The following ABAT variants were observed in gnomAD, a reference collection of about 807,000 sequenced individuals.
ABAT encodes the protein 4-aminobutyrate aminotransferase, mitochondrial.
ABAT carries 45 observed loss-of-function variants against 64.6 expected under a neutral mutation model. The observed-to-expected ratio is 0.70, with a 90% CI of 0.55 to 0.89. The LOEUF (loss-of-function observed/expected upper bound fraction) is 0.89, where lower values mean the gene tolerates loss of function less well. Ranked by LOEUF, ABAT falls within the 40% of genes least tolerant of loss-of-function variation. The pLI is 0.00. For synonymous variants in ABAT, 297 were observed against 250.5 expected, an observed-to-expected ratio of 1.19 and a Z score of -1.75; for missense variants, 633 against 658.4, an observed-to-expected ratio of 0.96 and a Z score of 0.42.
At position 8,773,156 on chromosome 16, in the gene ABAT, A is replaced by T. The variant is rs898232298; in HGVS notation, c.954+239A>T. On this transcript the variant is annotated intron_variant, in intron 12 of 15. Coordinates refer to ENST00000268251, the MANE Select transcript of ABAT (RefSeq NM_020686.6). Reference sequence around the variant, plus strand: ...CACACACACACACACACATATATATATATTTTTTTTTTTGAGACAGAGTCT... The same window carrying T: ...CACACACACACACACACATATATATTTATTTTTTTTTTTGAGACAGAGTCT... Among the ~76,000 whole-genome samples, 947 of 141,666 alleles carry T rather than the reference A, an allele frequency of 6.7e-3. 17 individuals are homozygous for T. Among genetic ancestry groups the T allele is most frequent in the African/African-American group, 0.027 (912 of 33,428 alleles). The allele number at this position is 141,666 out of a possible 152,430, so 92.9% of individuals were successfully genotyped here.
chr16:8,694,582 C>T (rs982377403), intron 1 of ABAT, among the ~76,000 whole-genome samples: 1 of 151,576 alleles, frequency 6.6e-6, no homozygotes, highest in African/African-American at 2.4e-5. Context: ...CTCACTATAT[C>T]GCCCAAGCTG....
intron 5 of ABAT, among the ~76,000 whole-genome samples, chr16:8,751,892 C>T (rs2059497084): frequency 1.3e-5 from 2 of 152,222 alleles, no homozygotes; most frequent in African/African-American, 4.8e-5. Context: ...ATTGGAAATG[C>T]AGGTAGCTGC....
At chr16:8,683,836 G>A (rs1038238742) in intron 1 of ABAT, among the ~76,000 whole-genome samples, 11 of 150,224 alleles carry the variant, frequency 7.3e-5, no homozygotes, top group Non-Finnish European at 1.3e-4. Context: ...GGCTTATCTG[G>A]AGTGGACAGA....
At position 8,783,611 on chromosome 16, in the gene ABAT, A is replaced by C. The variant is rs762048803; in HGVS notation, c.*2181A>C. 1 of 152,250 alleles carries C rather than the reference A, an allele frequency of 6.6e-6. No homozygotes were observed. Among genetic ancestry groups the C allele is most frequent in the African/African-American group, 2.4e-5 (1 of 41,472 alleles). 9.4% of individuals were successfully genotyped at this position (152,250 alleles called of 1,614,324 possible). On this transcript the variant is annotated 3_prime_UTR_variant, in exon 16 of 16. Transcript: ENST00000268251. Reference sequence around the variant, plus strand: ...TTCCACAGGCAGCATCCCAAGGTTCAATAAGGCCTTATTTAACAAGCAAGC... The same window carrying C: ...TTCCACAGGCAGCATCCCAAGGTTCCATAAGGCCTTATTTAACAAGCAAGC...
At chr16:8,779,735 C>A in intron 15 of ABAT, 145 bp downstream of exon 15, 1 of 711,492 alleles carries the variant, frequency 1.4e-6, no homozygotes, top group Non-Finnish European at 2.5e-6. Flanking sequence ...GCTCTTTCTC[C>A]AAAGAAGAGA....
chr16:8,753,820 C>A (rs1367179151), intron 5 of ABAT, among the ~76,000 whole-genome samples: 2 of 152,154 alleles, frequency 1.3e-5, no homozygotes, highest in Non-Finnish European at 2.9e-5. Context: ...CATCCGTCTT[C>A]TCGACCAGAC....
At chr16:8,691,678 C>T (rs1016062114) in intron 1 of ABAT, among the ~76,000 whole-genome samples, 30 of 146,468 alleles carry the variant, frequency 2.0e-4, no homozygotes, top group Middle Eastern at 3.6e-3. Context: ...TGATCTCAGG[C>T]GATCCTCTGC....
chr16:8,738,439 C>G (rs927629448), intron 2 of ABAT: 3 of 455,734 alleles, frequency 6.6e-6, no homozygotes, highest in Non-Finnish European at 8.8e-6. Context: ...TTTTTCTGCT[C>G]CAGGATCCAA....
intron 4 of ABAT, among the ~76,000 whole-genome samples, chr16:8,749,157 G>A (rs1397799921): frequency 1.3e-5 from 2 of 150,120 alleles, no homozygotes; most frequent in East Asian, 2.0e-4. Flanking sequence ...GCGCAATCTC[G>A]GCTCACAGCA....
At chr16:8,694,878 G>A (rs555749448) in intron 1 of ABAT, among the ~76,000 whole-genome samples, 100 of 152,310 alleles carry the variant, frequency 6.6e-4, no homozygotes, top group African/African-American at 2.3e-3. Flanking sequence ...AAGGCAGGCC[G>A]CCGCATCCTA....
At chr16:8,722,628 A>G (rs2058404848) in intron 1 of ABAT, 2 of 360,452 alleles carry the variant, frequency 5.5e-6, no homozygotes, top group Non-Finnish European at 1.1e-5. Context: ...CTCAGAGACC[A>G]GGAGGGCCAA....
chr16:8,741,255 C>T (rs1419090723), intron 2 of ABAT, among the ~76,000 whole-genome samples: 1 of 152,188 alleles, frequency 6.6e-6, no homozygotes, highest in African/African-American at 2.4e-5. Context: ...TTTTTTGCAT[C>T]TTTGTGATCA....
chr16:8,759,184 G>T (rs1418349017), intron 6 of ABAT, among the ~76,000 whole-genome samples: 3 of 151,992 alleles, frequency 2.0e-5, no homozygotes, highest in Non-Finnish European at 4.4e-5. Context: ...ACCACTCAAT[G>T]AATTTCCCAT....
rs764927007 is a variant in ABAT at position 8,764,648 on chromosome 16, G to C, written c.448-90G>C. 8.1e-7 allele frequency: 1 copy of C among 1,228,684 alleles called. No individual in the cohort carries two copies. The highest frequency in any genetic ancestry group is 1.5e-5 in the African/African-American group (1 of 67,174). The allele number at this position is 1,228,684 out of a possible 1,614,324, so 76.1% of individuals were successfully genotyped here. A position where few individuals can be genotyped will look rare whatever the true frequency, so the allele number is the denominator to read the frequency against. ...CCCTGGTTCTGTCTGTCCCCGGTAC[G>C]GCCCCTGCGAAGATTCAGCTCCAGC... is the stretch of plus-strand genomic sequence containing the variant. On this transcript the variant is annotated intron_variant, in intron 7 of 15. Coordinates refer to ENST00000268251, the MANE Select transcript of ABAT (RefSeq NM_020686.6). This position sits in a 1 kb window ranked among gnomAD's most constrained non-coding sequence, Gnocchi z 4.2.
At chr16:8,696,925 G>A (rs959698919) in intron 1 of ABAT, among the ~76,000 whole-genome samples, 3 of 152,104 alleles carry the variant, frequency 2.0e-5, no homozygotes, top group African/African-American at 4.8e-5. Flanking sequence ...CATCCCCAGA[G>A]GCATCCATGT....
intron 12 of ABAT, among the ~76,000 whole-genome samples, chr16:8,773,119 C>T (rs1477975995): frequency 8.0e-6 from 1 of 125,108 alleles, no homozygotes; most frequent in Non-Finnish European, 1.6e-5. Context: ...CACACACACA[C>T]ACACACACAC....
intron 1 of ABAT, among the ~76,000 whole-genome samples, chr16:8,699,463 C>G (rs999017685): frequency 6.6e-6 from 1 of 152,092 alleles, no homozygotes; most frequent in Non-Finnish European, 1.5e-5. Flanking sequence ...GAGGTTGAGT[C>G]AGGAGAATCA....
intron 5 of ABAT, chr16:8,757,375 C>T (rs1434459691): frequency 8.4e-6 from 3 of 357,834 alleles, no homozygotes; most frequent in Non-Finnish European, 1.1e-5. Context: ...ACCATGTTGG[C>T]CAGGCTGGTC....
At chr16:8,682,047 G>T (rs1234462318) in intron 1 of ABAT, among the ~76,000 whole-genome samples, 2 of 152,106 alleles carry the variant, frequency 1.3e-5, no homozygotes, top group Non-Finnish European at 2.9e-5. Context: ...CCTCCACGTT[G>T]TGACAGCCAG....
Sources: allele counts gnomAD v4.1 joint callset (sites outside exome capture counted in the v4.1 genomes callset), GRCh38; gene constraint gnomAD v4.1.1; non-coding constraint Gnocchi (gnomAD v3.1); transcripts MANE v1.5; gene names NCBI Gene and HGNC (gene_info 2026-07-23, HGNC 2026-07-21).